Variants in PGM2 observed in about 807,000 individuals in gnomAD.
The protein encoded by PGM2 is phosphoglucomutase 2.
Under a neutral mutation model 74.6 loss-of-function variants are expected in PGM2, and 57 were observed. The ratio of observed to expected loss-of-function variants is 0.76; its 90% confidence interval spans 0.62 to 0.95. PGM2 has a LOEUF of 0.95. PGM2 is among the 40% of genes least tolerant of loss of function. The pLI, the probability that PGM2 is intolerant of heterozygous loss-of-function variation, is 0.00. For synonymous variants in PGM2, 273 were observed against 260.7 expected, an observed-to-expected ratio of 1.05 and a Z score of -0.46; for missense variants, 706 against 741.9, an observed-to-expected ratio of 0.95 and a Z score of 0.56.
At chr4:37,851,884 C>T (rs1209978159) in intron 12 of PGM2, among the ~76,000 whole-genome samples, 1 of 152,072 alleles carries the variant, frequency 6.6e-6, no homozygotes, top group African/African-American at 2.4e-5. Context: ...ACTGCTGTTG[C>T]CTGCTAGCTA....
At position 37,834,603 on chromosome 4, in the gene PGM2, A is replaced by G. The variant is rs779732188; in HGVS notation, c.250-15A>G. ...ATGTTAAAACATACTTTTTAAATCTATGGTGTATTTGTAGGGATTTTGCAG... is the reference window on the plus strand; with the variant it reads ...ATGTTAAAACATACTTTTTAAATCTGTGGTGTATTTGTAGGGATTTTGCAG... On this transcript the variant is annotated splice_polypyrimidine_tract_variant and intron_variant, in intron 2 of 13. Transcript: ENST00000381967. The G allele has an allele frequency of 1.2e-5, 14 of 1,193,678 alleles. No homozygotes were observed. The highest frequency in any genetic ancestry group is 4.7e-5 in the East Asian group (2 of 42,564). The allele number at this position is 1,193,678 out of a possible 1,614,324, so 73.9% of individuals were successfully genotyped here. A position where few individuals can be genotyped will look rare whatever the true frequency, so the allele number is the denominator to read the frequency against.
chr4:37,861,830 G>A lies in PGM2; in HGVS notation c.*218G>A. On this transcript the variant is annotated 3_prime_UTR_variant, in exon 14 of 14. Transcript: ENST00000381967. ...ACATTCCTACTAAAAAGTTGAGCTT[G>A]GACATATTTTGAATTTTTGTAAGTG... 5.0e-6 allele frequency: 2 copies of A among 398,104 alleles called. No individual in the cohort carries two copies. Among genetic ancestry groups the A allele is most frequent in the Non-Finnish European group, 9.2e-6 (2 of 217,194 alleles). 24.7% of individuals were successfully genotyped at this position (398,104 alleles called of 1,614,324 possible).
rs376962184 is a variant in PGM2, at chr4:37,826,887, T to C, written c.81+74T>C. ...CTGCCCTCTCCAGGCGCGGCGCTGC[T>C]TGCTCTGCCTGAGCTGCCTTCCCGC... On this transcript the variant is annotated intron_variant, in intron 1 of 13. Coordinates refer to ENST00000381967, the MANE Select transcript of PGM2 (RefSeq NM_018290.4). 120 of 938,702 alleles carry C rather than the reference T, an allele frequency of 1.3e-4. 1 individual carries two copies. In the African/African-American group the frequency reaches 1.8e-3, roughly 14 times the overall value. The allele number at this position is 938,702 out of a possible 1,614,324, so 58.1% of individuals were successfully genotyped here. A position where few individuals can be genotyped will look rare whatever the true frequency, so the allele number is the denominator to read the frequency against.
rs1418048111 is a variant in PGM2 at position 37,845,698 on chromosome 4, T to C, written c.975T>C (p.Ala325=). The C allele has an allele frequency of 1.9e-6, 3 of 1,613,224 alleles. No individual in the cohort carries two copies. The highest frequency in any genetic ancestry group is 1.7e-5 in the Admixed American group (1 of 60,024). Residue 325 remains alanine (A), a synonymous_variant, in exon 8 of 14, where the codon GCT becomes GCC. Transcript: ENST00000381967. Reference sequence around the variant, plus strand: ...TTGTTTTAGCTAACGACCCGGATGCTGATAGACTTGCTGTGGCAGAAAAGC... The same window carrying C: ...TTGTTTTAGCTAACGACCCGGATGCCGATAGACTTGCTGTGGCAGAAAAGC... The part of the protein sequence containing the change: ...ARIVLANDPD[A]DRLAVAEKQD...
intron 5 of PGM2, 32 bp downstream of exon 5, chr4:37,839,963 C>A: frequency 6.7e-7 from 1 of 1,485,202 alleles, no homozygotes; most frequent in Non-Finnish European, 9.4e-7. Context: ...ACACGTACAT[C>A]CTTCTGTAGG....
chr4:37,830,585 T>C (rs1725413923), intron 2 of PGM2, among the ~76,000 whole-genome samples: 1 of 152,254 alleles, frequency 6.6e-6, no homozygotes, highest in African/African-American at 2.4e-5. Context: ...GAGTCTGTCT[T>C]AATTTGTGAA....
chr4:37,829,550 T>A (rs1725383054), intron 1 of PGM2, among the ~76,000 whole-genome samples: 1 of 152,242 alleles, frequency 6.6e-6, no homozygotes, highest in Non-Finnish European at 1.5e-5. Flanking sequence ...TATTTTACAT[T>A]AATTTGAAGT....
At chr4:37,833,827 A>T (rs977756899) in intron 2 of PGM2, among the ~76,000 whole-genome samples, 1 of 152,194 alleles carries the variant, frequency 6.6e-6, no homozygotes, top group African/African-American at 2.4e-5. Flanking sequence ...TTTACAGAAG[A>T]GGAAACTAAG....
intron 3 of PGM2, among the ~76,000 whole-genome samples, 200 bp from the exon 4 acceptor site, chr4:37,837,329 A>C (rs1481924747): frequency 6.6e-6 from 1 of 152,230 alleles, no homozygotes; most frequent in Non-Finnish European, 1.5e-5. Context: ...TCTATAAAAC[A>C]AAAGAGTGAA....
rs760329043 is a variant in PGM2 at position 37,845,614 on chromosome 4, T to C, written c.910-19T>C. On this transcript the variant is annotated intron_variant, in intron 7 of 13. Transcript: ENST00000381967. ...CGATTCTTGATTAAATAATCTTTTA[T>C]TTTCATATTCTTCTTCAGACTTTGT... The C allele has an allele frequency of 1.3e-6, 2 of 1,527,030 alleles. No individual in the cohort carries two copies. Among genetic ancestry groups the C allele is most frequent in the South Asian group, 2.2e-5 (2 of 89,238 alleles). 94.6% of individuals were successfully genotyped at this position (1,527,030 alleles called of 1,614,324 possible). A position where few individuals can be genotyped will look rare whatever the true frequency, so the allele number is the denominator to read the frequency against.
intron 3 of PGM2, among the ~76,000 whole-genome samples, chr4:37,836,895 G>A (rs74370420): frequency 1.6e-3 from 232 of 142,308 alleles, no homozygotes; most frequent in East Asian, 7.0e-3. Flanking sequence ...ACACACATGC[G>A]TACTCCAGGA....
Position 37,850,293 on chromosome 4 carries a change from A to G in PGM2, c.1522A>G (p.Lys508Glu). The G allele has an allele frequency of 1.3e-6, 2 of 1,593,010 alleles. No homozygotes were observed. Among genetic ancestry groups the G allele is most frequent in the Non-Finnish European group, 1.7e-6 (2 of 1,173,708 alleles). The stretch of plus-strand genomic sequence containing the variant: ...CTACGATGGAAAAAATAATTATCCA[A>G]AAGCTTGTGGCAAATTTGAAATTTC... ...RNYDGKNNYP[K>E]ACGKFEISAI... The change falls in exon 12 of 14, where the codon AAA becomes GAA. Residue 508 changes from lysine (K) to glutamate (E), a missense_variant. By Grantham distance (56) the Lys-to-Glu change is moderately conservative. Around this residue, in one of 3 missense-constraint regions of PGM2, gnomAD observed 359 missense variants for 371.1 expected, o/e 0.97. Transcript: ENST00000381967.
At chr4:37,844,825 G>A (rs1725822698) in intron 7 of PGM2, among the ~76,000 whole-genome samples, 1 of 152,024 alleles carries the variant, frequency 6.6e-6, no homozygotes. Context: ...AAAATTAGCT[G>A]GGTGTGGTGG....
At chr4:37,849,851 A>G (rs187229406) in intron 11 of PGM2, among the ~76,000 whole-genome samples, 2 of 152,208 alleles carry the variant, frequency 1.3e-5, no homozygotes, top group East Asian at 3.9e-4. Context: ...CAATGGCACA[A>G]TCTTGGCTCA....
At chr4:37,842,205 AT>A (rs33973077) in intron 6 of PGM2, among the ~76,000 whole-genome samples, 10,514 of 146,036 alleles carry the variant, frequency 0.072, 668 homozygotes, top group East Asian at 0.18. Flanking sequence ...TATACTATAT[AT>A]ATAAAATATA....
intron 12 of PGM2, among the ~76,000 whole-genome samples, 154 bp downstream of exon 12, chr4:37,850,527 G>A (rs574318570): frequency 6.6e-6 from 1 of 152,362 alleles, no homozygotes; most frequent in South Asian, 2.1e-4. Flanking sequence ...GAAGCCGGAT[G>A]TGGTGGCTCA....
chr4:37,829,847 C>CATATATATATATATACAT (rs3835059), intron 1 of PGM2, 117 bp from the exon 2 acceptor site: 1 of 300,398 alleles, frequency 3.3e-6, no homozygotes, highest in African/African-American at 2.2e-5. Context: ...GAAAGGTCTA[C>CATATATATATATATACAT]ATATATATAT....
rs2152183521 is a variant in PGM2, at chr4:37,862,290, AT to A, written c.*679del. ...AATGTGTTGAAACTCATCTTTTTAA[AT>A]CTTGAAAAACCAATTGTTTACTTGA... On this transcript the variant is annotated 3_prime_UTR_variant, in exon 14 of 14. Transcript: ENST00000381967. 1 of 152,290 alleles carries A rather than the reference AT, an allele frequency of 6.6e-6. No individual in the cohort carries two copies. Among genetic ancestry groups the A allele is most frequent in the African/African-American group, 2.4e-5 (1 of 41,584 alleles). 9.4% of individuals were successfully genotyped at this position (152,290 alleles called of 1,614,324 possible). A position where few individuals can be genotyped will look rare whatever the true frequency, so the allele number is the denominator to read the frequency against.
rs563268825 is a variant in PGM2, at chr4:37,836,897, A to T, written c.357-632A>T. 1.6e-4 allele frequency among the ~76,000 whole-genome samples: 25 copies of T among 151,936 alleles called. No homozygotes were observed. The South Asian group carries it at 5.0e-3, about 30-fold the overall frequency. ...TGTGTGTGTGTATACACACATGCGT[A>T]CTCCAGGATGTCTTTATATTTCAAA... On this transcript the variant is annotated intron_variant, in intron 3 of 13. Transcript: ENST00000381967.
Sources: allele counts gnomAD v4.1 joint callset (sites outside exome capture counted in the v4.1 genomes callset), GRCh38; gene constraint gnomAD v4.1.1; regional missense constraint gnomAD v4.1.1; transcripts MANE v1.5; gene names NCBI Gene and HGNC (gene_info 2026-07-23, HGNC 2026-07-21).